Variants in CLEC4A observed in about 807,000 individuals in gnomAD.
The protein encoded by CLEC4A is C-type (calcium dependent, carbohydrate-recognition domain) lectin, superfamily member 6.
CLEC4A carries 27 observed loss-of-function variants against 32.7 expected under a neutral mutation model. The ratio of observed to expected loss-of-function variants is 0.83; its 90% confidence interval spans 0.61 to 1.14. The LOEUF is 1.14. Ranked by LOEUF, CLEC4A falls within the 50% of genes most tolerant of loss-of-function variation. The pLI is 0.00. For missense variants in CLEC4A, 253 were observed against 274.6 expected, an observed-to-expected ratio of 0.92 and a Z score of 0.55; for synonymous variants, 89 against 93.7, an observed-to-expected ratio of 0.95 and a Z score of 0.29.
intron 2 of CLEC4A, among the ~76,000 whole-genome samples, chr12:8,128,973 T>TC (rs1228873574): frequency 1.3e-5 from 2 of 151,890 alleles, no homozygotes; most frequent in African/African-American, 4.8e-5. Context: ...TTGCCCTGCA[T>TC]CCCCCCACCC....
the CLEC4A span, among the ~76,000 whole-genome samples, chr12:8,112,607 GT>G: frequency 1.8e-4 from 27 of 151,736 alleles, 1 homozygote; most frequent in East Asian, 5.0e-3. Flanking sequence ...GTTGTCATGT[GT>G]TTAAGTTTTA....
rs751417570 is a variant in CLEC4A, at chr12:8,129,373, A to G, written c.298+11A>G. The stretch of plus-strand genomic sequence containing the variant: ...ATATGCCCGTGGAAGGTAAAAATTA[A>G]TGTGCCTAGAATTCAGTTGCTGAAT... On this transcript the variant is annotated intron_variant, in intron 3 of 5. Coordinates refer to ENST00000229332, the MANE Select transcript of CLEC4A (RefSeq NM_016184.4). 4.6e-6 allele frequency: 7 copies of G among 1,532,724 alleles called. No individual in the cohort carries two copies. In the Admixed American group the frequency reaches 1.2e-4, roughly 26 times the overall value. 94.9% of individuals were successfully genotyped at this position (1,532,724 alleles called of 1,614,324 possible).
chr12:8,120,294 A>T (rs764422351), upstream of CLEC4A, among the ~76,000 whole-genome samples: 1 of 152,318 alleles, frequency 6.6e-6, no homozygotes. Flanking sequence ...TCTTTCCGGC[A>T]TGGCCAGCCC....
chr12:8,128,693 G>A lies in CLEC4A; in HGVS notation c.200-571G>A, dbSNP rs776311195. Among the ~76,000 whole-genome samples, 12 of 152,238 alleles carry A rather than the reference G, an allele frequency of 7.9e-5. No individual in the cohort carries two copies. The South Asian group carries it at 1.0e-3, about 13-fold the overall frequency. ...ATTACAGGCGTGAGCCAATGTGCCC[G>A]GCCAAAAGTTCAGTTTCTAGAGGGA... is the stretch of plus-strand genomic sequence containing the variant. On this transcript the variant is annotated intron_variant, in intron 2 of 5. Transcript: ENST00000229332.
At chr12:8,125,474 A>G (rs917300563) in intron 1 of CLEC4A, 87 bp from the exon 2 acceptor site, 1 of 756,158 alleles carries the variant, frequency 1.3e-6, no homozygotes, top group Non-Finnish European at 2.4e-6. Context: ...TGTGTCATCC[A>G]AGAAAAGAGA....
At chr12:8,112,659 C>G in the CLEC4A span, among the ~76,000 whole-genome samples, 2 of 151,682 alleles carry the variant, frequency 1.3e-5, no homozygotes, top group Non-Finnish European at 2.9e-5. Context: ...TATGGGCAAT[C>G]CTGTTCTACC....
At chr12:8,120,490 T>C (rs1316578377), upstream of CLEC4A, among the ~76,000 whole-genome samples, 1 of 152,162 alleles carries the variant, frequency 6.6e-6, no homozygotes, top group Non-Finnish European at 1.5e-5. Flanking sequence ...TTACCTAGGT[T>C]AACTGCAACA....
chr12:8,102,953 T>G, the CLEC4A span, among the ~76,000 whole-genome samples: 2 of 152,188 alleles, frequency 1.3e-5, no homozygotes, highest in African/African-American at 4.8e-5. Flanking sequence ...TTATCATTAC[T>G]GAGATTTTGA....
chr12:8,138,381 A>G lies in CLEC4A; in HGVS notation c.*94A>G. ...TCTTATTCATGTGTAAGGGAGGTCC[A>G]TAGAATTTAGGTGGTCTGTCAACTA... On this transcript the variant is annotated 3_prime_UTR_variant, in exon 6 of 6. Coordinates refer to ENST00000229332, the MANE Select transcript of CLEC4A (RefSeq NM_016184.4). The G allele has an allele frequency of 3.4e-6, 5 of 1,467,376 alleles. No individual in the cohort carries two copies. Among genetic ancestry groups the G allele is most frequent in the Non-Finnish European group, 3.7e-6 (4 of 1,073,438 alleles). The allele number at this position is 1,467,376 out of a possible 1,614,324, so 90.9% of individuals were successfully genotyped here.
the CLEC4A span, among the ~76,000 whole-genome samples, chr12:8,107,440 A>G: frequency 6.6e-6 from 1 of 152,194 alleles, no homozygotes; most frequent in Non-Finnish European, 1.5e-5. Flanking sequence ...CAGTTTCAGT[A>G]GGAATAGTTC....
At chr12:8,138,084 A>T in intron 5 of CLEC4A, 56 bp from the exon 6 acceptor site, 1 of 1,571,422 alleles carries the variant, frequency 6.4e-7, no homozygotes, top group South Asian at 1.2e-5. Flanking sequence ...CCCTGTCTCT[A>T]ACCCTTTTCA....
chr12:8,109,816 C>G, the CLEC4A span, among the ~76,000 whole-genome samples: 2 of 152,116 alleles, frequency 1.3e-5, no homozygotes, highest in Non-Finnish European at 2.9e-5. Context: ...GCTTCTAATT[C>G]TGGCTCTCCA....
the CLEC4A span, among the ~76,000 whole-genome samples, chr12:8,104,583 A>C: frequency 1.4e-3 from 218 of 152,280 alleles, 2 homozygotes; most frequent in South Asian, 3.7e-3. Flanking sequence ...TTTTTTAAAA[A>C]ACTTCTATTT....
At chr12:8,134,488 C>A in intron 3 of CLEC4A, 2 of 1,613,908 alleles carry the variant, frequency 1.2e-6, no homozygotes, top group Non-Finnish European at 1.7e-6. Flanking sequence ...TCCAGCTTCA[C>A]GGCACCAGAG....
In CLEC4A at chr12:8,135,654, A is replaced by G. The variant is rs1948102086; in HGVS notation, c.368A>G (p.Glu123Gly). 1 of 1,614,092 alleles carries G rather than the reference A, an allele frequency of 6.2e-7. No homozygotes were observed. Among genetic ancestry groups the G allele is most frequent in the African/African-American group, 1.3e-5 (1 of 74,938 alleles). ...FSSNCYFIST[E>G]SASWQDSEKD... ...TCCAACTGCTACTTTATTTCTACTG[A>G]ATCAGCATCTTGGCAAGACAGTGAG... Residue 123 changes from glutamate to glycine, a missense_variant, in exon 4 of 6, where the codon GAA becomes GGA. Glu to Gly is a moderately conservative substitution (Grantham distance 98). Coordinates refer to ENST00000229332, the MANE Select transcript of CLEC4A (RefSeq NM_016184.4).
the CLEC4A span, among the ~76,000 whole-genome samples, chr12:8,112,229 A>G: frequency 6.6e-6 from 1 of 152,008 alleles, no homozygotes; most frequent in African/African-American, 2.4e-5. Context: ...TGGCCTCCCA[A>G]AGTGCTGGGA....
chr12:8,133,745 C>G, intron 3 of CLEC4A: 1 of 1,586,988 alleles, frequency 6.3e-7, no homozygotes, highest in Non-Finnish European at 8.6e-7. Flanking sequence ...CTCCCCCTGT[C>G]CCCCATTCCT....
chr12:8,110,704 A>T, the CLEC4A span, among the ~76,000 whole-genome samples: 1 of 152,132 alleles, frequency 6.6e-6, no homozygotes, highest in African/African-American at 2.4e-5. Context: ...ATTAGGAATC[A>T]TGTCCCTTCC....
intron 1 of CLEC4A, among the ~76,000 whole-genome samples, chr12:8,125,021 A>G (rs2120568337): frequency 6.6e-6 from 1 of 152,282 alleles, no homozygotes; most frequent in African/African-American, 2.4e-5. Flanking sequence ...ATGGTAACTA[A>G]AAAGACTGAC....
Sources: gnomAD v4.1 joint callset for allele counts (sites outside exome capture counted in the v4.1 genomes callset) on GRCh38, gnomAD v4.1.1 for gene constraint, MANE v1.5 for transcripts, NCBI Gene and HGNC (gene_info 2026-07-23, HGNC 2026-07-21) for gene names.